The following FBXW7 variants were observed in gnomAD, a reference collection of about 807,000 sequenced individuals.
The protein encoded by FBXW7 is F-box and WD repeat domain containing 7.
A neutral mutation model predicts 86.3 loss-of-function variants in FBXW7; 11 were observed. The ratio of observed to expected loss-of-function variants is 0.13; its 90% CI spans 0.08 to 0.21. The LOEUF (loss-of-function observed/expected upper bound fraction) is 0.21. FBXW7 is among the 10% of genes least tolerant of loss of function. The pLI is 1.00. For synonymous variants in FBXW7, 313 were observed against 297.9 expected, an observed-to-expected ratio of 1.05 and a Z score of -0.52; for missense variants, 488 against 847.4, an observed-to-expected ratio of 0.58 and a Z score of 5.27.
intron 2 of FBXW7, among the ~76,000 whole-genome samples, chr4:152,514,359 C>A (rs894313539): frequency 6.6e-6 from 1 of 152,156 alleles, no homozygotes; most frequent in East Asian, 1.9e-4. Context: ...AATATAAGAA[C>A]TGACTAGAAG....
At chr4:152,431,969 G>C (rs1274033054) in intron 2 of FBXW7, among the ~76,000 whole-genome samples, 2 of 152,228 alleles carry the variant, frequency 1.3e-5, no homozygotes, top group African/African-American at 4.8e-5. Context: ...GTCTCATTGT[G>C]ATTGTGTAGA....
chr4:152,376,326 C>T (rs1313291760), intron 4 of FBXW7, among the ~76,000 whole-genome samples: 5 of 151,856 alleles, frequency 3.3e-5, no homozygotes, highest in South Asian at 2.1e-4. Context: ...TTATGATGGT[C>T]GGTGTTTTGG....
At chr4:152,436,773 C>G (rs1166096882) in intron 2 of FBXW7, among the ~76,000 whole-genome samples, 1 of 152,214 alleles carries the variant, frequency 6.6e-6, no homozygotes, top group East Asian at 1.9e-4. Flanking sequence ...CTGTGCTCTA[C>G]AAATGGAATA....
chr4:152,453,316 G>T (rs535108899), intron 2 of FBXW7, among the ~76,000 whole-genome samples: 118 of 152,284 alleles, frequency 7.7e-4, no homozygotes, highest in African/African-American at 2.6e-3. Flanking sequence ...ATTTTCCCCT[G>T]TAAATCCCAC....
chr4:152,476,306 A>G (rs866250642), intron 2 of FBXW7, among the ~76,000 whole-genome samples: 11 of 152,160 alleles, frequency 7.2e-5, no homozygotes, highest in Admixed American at 1.3e-4. Context: ...ACTCTACCTC[A>G]TAACTTATGC....
At chr4:152,363,231 C>CA (rs1733155547) in intron 4 of FBXW7, among the ~76,000 whole-genome samples, 1 of 151,998 alleles carries the variant, frequency 6.6e-6, no homozygotes. Flanking sequence ...AACAATAAAA[C>CA]AAGAGGGAGA....
chr4:152,526,176 C>T (rs934772564), intron 2 of FBXW7, among the ~76,000 whole-genome samples: 3 of 150,404 alleles, frequency 2.0e-5, no homozygotes, highest in African/African-American at 2.4e-5. Context: ...TTCTTATAGA[C>T]GTTGGACAAT....
At chr4:152,496,290 A>T (rs1560968184) in intron 2 of FBXW7, among the ~76,000 whole-genome samples, 1 of 152,230 alleles carries the variant, frequency 6.6e-6, no homozygotes, top group Non-Finnish European at 1.5e-5. Context: ...ATTGGTTTGT[A>T]GCTACCAGTA....
intron 4 of FBXW7, among the ~76,000 whole-genome samples, chr4:152,397,043 C>T (rs1205632421): frequency 6.6e-6 from 1 of 151,894 alleles, no homozygotes; most frequent in East Asian, 1.9e-4. Flanking sequence ...AGATGAGATT[C>T]TTTTAAGTCT....
intron 2 of FBXW7, among the ~76,000 whole-genome samples, chr4:152,420,608 G>A (rs1738849473): frequency 6.6e-6 from 1 of 151,970 alleles, no homozygotes; most frequent in Non-Finnish European, 1.5e-5. Context: ...CTTGATCCAC[G>A]GGCTACACAA....
At chr4:152,347,432 TAAGTA>T (rs1389607348) in intron 5 of FBXW7, among the ~76,000 whole-genome samples, 3 of 152,156 alleles carry the variant, frequency 2.0e-5, no homozygotes, top group Non-Finnish European at 2.9e-5. Context: ...TTTGGTGACA[TAAGTA>T]AAGTTTAAAT....
chr4:152,430,620 T>C (rs937308298), intron 2 of FBXW7, among the ~76,000 whole-genome samples: 2 of 152,250 alleles, frequency 1.3e-5, no homozygotes, highest in Non-Finnish European at 2.9e-5. Flanking sequence ...GTTGTAGATA[T>C]CTGTAGTTTT....
chr4:152,378,776 G>T (rs2126767664), intron 4 of FBXW7, among the ~76,000 whole-genome samples: 1 of 152,260 alleles, frequency 6.6e-6, no homozygotes, highest in East Asian at 1.9e-4. Context: ...GCTGAGGCGA[G>T]CAGATAAAAC....
At chr4:152,475,095 T>C (rs1744277229) in intron 2 of FBXW7, among the ~76,000 whole-genome samples, 1 of 150,962 alleles carries the variant, frequency 6.6e-6, no homozygotes, top group Admixed American at 6.6e-5. Context: ...AGCAAGACTC[T>C]GTCTCAATAA....
At chr4:152,372,992 T>C (rs1385060307) in intron 4 of FBXW7, among the ~76,000 whole-genome samples, 1 of 152,020 alleles carries the variant, frequency 6.6e-6, no homozygotes, top group Admixed American at 6.6e-5. Context: ...GAGACCATCA[T>C]AAATTGTTGG....
chr4:152,473,484 A>T (rs1744136319), intron 2 of FBXW7, among the ~76,000 whole-genome samples: 1 of 151,906 alleles, frequency 6.6e-6, no homozygotes, highest in Non-Finnish European at 1.5e-5. Context: ...TTGAAGAAAA[A>T]CCTGTATATA....
At chr4:152,487,059 G>A (rs1289662540) in intron 2 of FBXW7, among the ~76,000 whole-genome samples, 11 of 152,128 alleles carry the variant, frequency 7.2e-5, no homozygotes, top group Admixed American at 6.6e-4. Context: ...AAGAAACCAT[G>A]AGCCCTTAGT....
rs1560763656 is a variant in FBXW7 at position 152,329,677 on chromosome 4, C to G, written c.1231G>C (p.Gly411Arg). Residue 411 changes from glycine to arginine, a missense_variant, in exon 10 of 14, where the codon GGC becomes CGC. Transcript: ENST00000281708. ...TGTAGGAAGAGTAAACTTACTTTGC[C>G]TGTGACTGCTGACCAAACTTTTAAA... ...NTLKVWSAVT[G>R]KCLRTLVGHT... is the part of the protein sequence containing the mutation. The G allele has an allele frequency of 6.4e-7, 1 of 1,560,026 alleles. No homozygotes were observed. The highest frequency in any genetic ancestry group is 8.7e-7 in the Non-Finnish European group (1 of 1,154,822).
intron 2 of FBXW7, among the ~76,000 whole-genome samples, chr4:152,428,876 T>G (rs1007514352): frequency 6.6e-6 from 1 of 152,188 alleles, no homozygotes; most frequent in African/African-American, 2.4e-5. Context: ...TAAGTATAGA[T>G]TGTACTTAAC....
Sources: gnomAD v4.1 joint callset for allele counts (sites outside exome capture counted in the v4.1 genomes callset) on GRCh38, gnomAD v4.1.1 for gene constraint, MANE v1.5 for transcripts, NCBI Gene and HGNC (gene_info 2026-07-23, HGNC 2026-07-21) for gene names.